Variants in ADAM20 observed in about 807,000 individuals in gnomAD.
The protein encoded by ADAM20 is disintegrin and metalloproteinase domain-containing protein 20.
For missense variants in ADAM20, 871 were observed against 883.2 expected (o/e 0.99, Z 0.18); for synonymous variants, 305 against 310.2 (o/e 0.98, Z 0.18).
Position 70,534,847 on chromosome 14 carries a change from T to A in ADAM20, c.-227A>T, listed in dbSNP as rs1280228353. On this transcript the variant is annotated 5_prime_UTR_variant, in exon 1 of 2. Transcript: ENST00000256389. ...TTATATTTTCAGTCCTCTAATAACTTTTTAAATTTTTCCTATATTAATTTT... is the reference window on the plus strand; with the variant it reads ...TTATATTTTCAGTCCTCTAATAACTATTTAAATTTTTCCTATATTAATTTT... 6.6e-6 allele frequency: 1 copy of A among 152,204 alleles called. No homozygotes were observed. Among genetic ancestry groups the A allele is most frequent in the Non-Finnish European group, 1.5e-5 (1 of 68,022 alleles). 9.4% of individuals were successfully genotyped at this position (152,204 alleles called of 1,614,324 possible).
At chr14:70,539,298 T>C (rs1883899422), upstream of ADAM20, among the ~76,000 whole-genome samples, 1 of 152,238 alleles carries the variant, frequency 6.6e-6, no homozygotes, top group African/African-American at 2.4e-5. Flanking sequence ...CAACGCGTGA[T>C]GTGCTTCCCC....
rs772573041 is a variant in ADAM20 at position 70,524,024 on chromosome 14, T to C, written c.734A>G (p.Tyr245Cys). The C allele has an allele frequency of 5.6e-6, 9 of 1,613,968 alleles. No individual in the cohort carries two copies. In the East Asian group the frequency reaches 1.3e-4, roughly 24 times the overall value. ...FNVVNIVDSFYHPLEVDVILT... is the reference protein window; with the variant it reads ...FNVVNIVDSFCHPLEVDVILT... ...AATTACATCAACCTCCAAAGGATGA[T>C]AGAAGGAATCCACTATATTGACAAC... Residue 245 changes from tyrosine to cysteine, a missense_variant, in exon 2 of 2, where the codon TAT (tyrosine) becomes TGT (cysteine). Transcript: ENST00000256389.
the ADAM20 span, among the ~76,000 whole-genome samples, chr14:70,570,696 A>C: frequency 5.3e-5 from 8 of 152,214 alleles, no homozygotes; most frequent in Non-Finnish European, 2.9e-5. Flanking sequence ...ATGTTCAAAA[A>C]GCTGGCACCA....
upstream of ADAM20, among the ~76,000 whole-genome samples, chr14:70,537,235 G>A (rs1883856856): frequency 6.6e-6 from 1 of 152,144 alleles, no homozygotes; most frequent in African/African-American, 2.4e-5. Context: ...CTAACCTCAA[G>A]GGGACTGTGA....
intron 1 of ADAM20, among the ~76,000 whole-genome samples, chr14:70,526,968 A>G (rs1020000334): frequency 6.6e-6 from 1 of 152,200 alleles, no homozygotes; most frequent in Non-Finnish European, 1.5e-5. Context: ...TGTGTTGAAA[A>G]TATCAGAGGG....
At chr14:70,540,551 T>C in the ADAM20 span, among the ~76,000 whole-genome samples, 2 of 152,210 alleles carry the variant, frequency 1.3e-5, no homozygotes, top group Non-Finnish European at 2.9e-5. Flanking sequence ...GGTATCAACA[T>C]TTGTCATAGA....
chr14:70,523,964 G>A lies in ADAM20; in HGVS notation c.794C>T (p.Pro265Leu), dbSNP rs751923103. 9 of 1,613,944 alleles carry A rather than the reference G, an allele frequency of 5.6e-6. No individual in the cohort carries two copies. Among genetic ancestry groups the A allele is most frequent in the Non-Finnish European group, 7.6e-6 (9 of 1,179,944 alleles). Residue 265 changes from proline to leucine, a missense_variant, in exon 2 of 2, where the codon CCA becomes CTA. Transcript: ENST00000256389. Reference protein sequence around the residue: ...TGIDIWTASNPLPTSGDLDNV... With the variant: ...TGIDIWTASNLLPTSGDLDNV... The stretch of plus-strand genomic sequence containing the variant: ...ATCTAGGTCTCCACTGGTAGGAAGT[G>A]GATTTGATGCAGTCCATATATCAAT...
the ADAM20 span, among the ~76,000 whole-genome samples, chr14:70,569,993 T>C: frequency 1.2e-3 from 167 of 135,914 alleles, no homozygotes; most frequent in Non-Finnish European, 1.9e-3. Flanking sequence ...GAACCGCAAA[T>C]ACCCACTTCT....
chr14:70,557,124 T>C, the ADAM20 span: 2 of 152,014 alleles, frequency 1.3e-5, no homozygotes, highest in East Asian at 1.9e-4. Context: ...TGTGAAAACA[T>C]ATAAACAATT....
rs750215611 is a variant in ADAM20 at position 70,523,199 on chromosome 14, C to T, written c.1559G>A (p.Gly520Asp). ...NHDIQCKEIF[G>D]QDARSASQSC... is the part of the protein sequence containing the mutation. ...CTGAGATGCACTCCTTGCATCTTGGCCAAAAATCTCTTTACATTGTATATC... is the reference window on the plus strand; with the variant it reads ...CTGAGATGCACTCCTTGCATCTTGGTCAAAAATCTCTTTACATTGTATATC... Residue 520 changes from glycine (G) to aspartate (D), a missense_variant, in exon 2 of 2, where the codon GGC becomes GAC. By Grantham distance (94) the Gly-to-Asp change is moderately conservative. Transcript: ENST00000256389. The T allele has an allele frequency of 2.5e-6, 4 of 1,613,948 alleles. No individual in the cohort carries two copies. In the Admixed American group the frequency reaches 6.7e-5, roughly 27 times the overall value.
At chr14:70,543,462 G>T in the ADAM20 span, among the ~76,000 whole-genome samples, 1 of 152,050 alleles carries the variant, frequency 6.6e-6, no homozygotes, top group Admixed American at 6.6e-5. Flanking sequence ...CCTTTTATTG[G>T]GTGAGAAATG....
the ADAM20 span, among the ~76,000 whole-genome samples, chr14:70,558,283 C>G: frequency 1.3e-5 from 2 of 152,196 alleles, no homozygotes; most frequent in African/African-American, 4.8e-5. Context: ...AGCCCAGGAT[C>G]TCCAGTGAAG....
In ADAM20 at chr14:70,522,497, T is replaced by C. The variant is rs1023974045; in HGVS notation, c.*80A>G. 5.0e-5 allele frequency: 66 copies of C among 1,330,538 alleles called. 1 individual carries two copies. The Admixed American group carries it at 7.3e-4, about 15-fold the overall frequency. 82.4% of individuals were successfully genotyped at this position (1,330,538 alleles called of 1,614,324 possible). A position where few individuals can be genotyped will look rare whatever the true frequency, so the allele number is the denominator to read the frequency against. On this transcript the variant is annotated 3_prime_UTR_variant, in exon 2 of 2. Coordinates refer to ENST00000256389, the MANE Select transcript of ADAM20 (RefSeq NM_003814.5). The stretch of plus-strand genomic sequence containing the variant: ...GAAGTTTTATTTAAACAGTGAGACA[T>C]GGCTTCATATTTTTCTATTAAAAAA...
the ADAM20 span, among the ~76,000 whole-genome samples, chr14:70,565,667 C>T: frequency 1.5e-4 from 22 of 151,384 alleles, no homozygotes; most frequent in Non-Finnish European, 2.5e-4. Flanking sequence ...AACTGTATAG[C>T]AAAACAAAAA....
At chr14:70,563,966 C>A in the ADAM20 span, among the ~76,000 whole-genome samples, 10 of 152,330 alleles carry the variant, frequency 6.6e-5, no homozygotes, top group East Asian at 1.9e-3. Flanking sequence ...TCAGTCCCTC[C>A]CCCAAACTGG....
chr14:70,572,364 A>C, the ADAM20 span, among the ~76,000 whole-genome samples: 1 of 152,238 alleles, frequency 6.6e-6, no homozygotes, highest in East Asian at 1.9e-4. Flanking sequence ...CTCCCTATTC[A>C]ATAAATGGTG....
At chr14:70,553,795 A>C in the ADAM20 span, among the ~76,000 whole-genome samples, 1 of 152,110 alleles carries the variant, frequency 6.6e-6, no homozygotes, top group African/African-American at 2.4e-5. Context: ...TCAACATAAA[A>C]AAAGCCACCA....
chr14:70,560,688 T>C, the ADAM20 span, among the ~76,000 whole-genome samples: 1 of 152,116 alleles, frequency 6.6e-6, no homozygotes. Flanking sequence ...TGAGATCTGA[T>C]GGTTTAAGAG....
the ADAM20 span, among the ~76,000 whole-genome samples, chr14:70,541,758 G>A: frequency 6.6e-6 from 1 of 151,896 alleles, no homozygotes; most frequent in Admixed American, 6.6e-5. Flanking sequence ...AAAGTTATGG[G>A]AGACTCTTAT....
Sources: gnomAD v4.1 joint callset for allele counts (sites outside exome capture counted in the v4.1 genomes callset) on GRCh38, gnomAD v4.1.1 for gene constraint, MANE v1.5 for transcripts, NCBI Gene and HGNC (gene_info 2026-07-23, HGNC 2026-07-21) for gene names.